The following ANGPT1 variants were observed in gnomAD, a reference collection of about 807,000 sequenced individuals.
ANGPT1 encodes angiopoietin-1.
ANGPT1 carries 17 observed loss-of-function variants against 62.2 expected under a neutral mutation model. The observed-to-expected ratio is 0.27, with a 90% CI of 0.19 to 0.41. The LOEUF is 0.41. Among genes scored for constraint, ANGPT1 ranks in the 10% least tolerant of loss-of-function variants. The probability of loss-of-function intolerance (pLI) is 1.00; values close to 1 mark genes in which losing one functional copy is unlikely to be tolerated. For synonymous variants in ANGPT1, 199 were observed against 198.9 expected, an observed-to-expected ratio of 1.00 and a Z score of 0.00; for missense variants, 478 against 594.9, an observed-to-expected ratio of 0.80 and a Z score of 2.04.
At chr8:107,446,829 C>G (rs922651793) in intron 1 of ANGPT1, among the ~76,000 whole-genome samples, 1 of 152,160 alleles carries the variant, frequency 6.6e-6, no homozygotes, top group African/African-American at 2.4e-5. Flanking sequence ...ACCCACATCT[C>G]TCTCCTAAAT....
At chr8:107,497,192 A>C in intron 1 of ANGPT1, 70 bp downstream of exon 1, 1 of 1,514,010 alleles carries the variant, frequency 6.6e-7, no homozygotes, top group South Asian at 1.2e-5. Context: ...CCCCTAAGGA[A>C]CTTTAAGTTA....
intron 5 of ANGPT1, among the ~76,000 whole-genome samples, chr8:107,296,202 T>TC: frequency 6.6e-6 from 1 of 152,108 alleles, no homozygotes; most frequent in East Asian, 1.9e-4. Flanking sequence ...GTGAGAAGGG[T>TC]CAAAGAACGG....
At chr8:107,356,911 G>A (rs774830190) in intron 1 of ANGPT1, among the ~76,000 whole-genome samples, 27 of 152,160 alleles carry the variant, frequency 1.8e-4, no homozygotes, top group Non-Finnish European at 3.7e-4. Flanking sequence ...TTCAGACATA[G>A]TAAGCATAAG....
At chr8:107,465,496 G>A (rs188679898) in intron 1 of ANGPT1, among the ~76,000 whole-genome samples, 3 of 152,098 alleles carry the variant, frequency 2.0e-5, no homozygotes, top group African/African-American at 7.2e-5. Flanking sequence ...GATTGATGCC[G>A]TATTTCACAA....
chr8:107,291,549 T>G (rs1161365949), intron 6 of ANGPT1, among the ~76,000 whole-genome samples: 1 of 151,902 alleles, frequency 6.6e-6, no homozygotes, highest in Non-Finnish European at 1.5e-5. Flanking sequence ...GTAGCTGGGA[T>G]TACAGGCACG....
At chr8:107,403,190 CACAAGA>C (rs1231429863) in intron 1 of ANGPT1, among the ~76,000 whole-genome samples, 3 of 152,058 alleles carry the variant, frequency 2.0e-5, no homozygotes, top group African/African-American at 7.2e-5. Context: ...TCCTCATGGT[CACAAGA>C]CAGCTCCTGT....
At chr8:107,431,157 T>A (rs943879712) in intron 1 of ANGPT1, among the ~76,000 whole-genome samples, 6 of 152,246 alleles carry the variant, frequency 3.9e-5, no homozygotes, top group African/African-American at 1.4e-4. Context: ...TGCATGTGTG[T>A]GTGAGAGAGA....
chr8:107,422,419 T>C (rs968931619), intron 1 of ANGPT1, among the ~76,000 whole-genome samples: 4 of 152,188 alleles, frequency 2.6e-5, no homozygotes, highest in Admixed American at 6.5e-5. Context: ...AGTTGTCCCA[T>C]AGTGTTCACA....
intron 1 of ANGPT1, among the ~76,000 whole-genome samples, chr8:107,406,153 G>A (rs1042954121): frequency 1.3e-5 from 2 of 151,714 alleles, no homozygotes; most frequent in Non-Finnish European, 2.9e-5. Context: ...TTTATCATAT[G>A]TGTTTGAGTC....
intron 7 of ANGPT1, among the ~76,000 whole-genome samples, chr8:107,277,173 T>C (rs1813886253): frequency 6.6e-6 from 1 of 152,154 alleles, no homozygotes; most frequent in Non-Finnish European, 1.5e-5. Flanking sequence ...AGGCTCATGA[T>C]ACCATCTGTG....
At chr8:107,317,897 C>A (rs1815057374) in intron 4 of ANGPT1, among the ~76,000 whole-genome samples, 1 of 152,160 alleles carries the variant, frequency 6.6e-6, no homozygotes, top group African/African-American at 2.4e-5. Flanking sequence ...TCCCAAAGTT[C>A]TGGGATTACA....
chr8:107,484,050 G>A (rs1812752966), intron 1 of ANGPT1, among the ~76,000 whole-genome samples: 1 of 152,078 alleles, frequency 6.6e-6, no homozygotes, highest in African/African-American at 2.4e-5. Context: ...TGCCAAAGAT[G>A]GTTATTTAGT....
chr8:107,444,750 A>C (rs189388987), intron 1 of ANGPT1, among the ~76,000 whole-genome samples: 93 of 152,208 alleles, frequency 6.1e-4, no homozygotes, highest in African/African-American at 1.7e-3. Flanking sequence ...TGAAAAAATC[A>C]CTTACCCTGA....
chr8:107,428,597 C>G (rs556804374), intron 1 of ANGPT1, among the ~76,000 whole-genome samples: 1 of 151,716 alleles, frequency 6.6e-6, no homozygotes, highest in Admixed American at 6.6e-5. Context: ...TTTTCTTGGT[C>G]TTATTATTGT....
intron 3 of ANGPT1, among the ~76,000 whole-genome samples, chr8:107,332,188 C>T (rs1366164973): frequency 6.6e-6 from 1 of 152,056 alleles, no homozygotes; most frequent in Non-Finnish European, 1.5e-5. Flanking sequence ...ATTTTGTGTC[C>T]TACTTTGTGT....
In ANGPT1 at chr8:107,251,363, A is replaced by G. The variant is rs1813244114; in HGVS notation, c.*492T>C. The G allele has an allele frequency of 6.5e-6, 1 of 153,574 alleles. No homozygotes were observed. Among genetic ancestry groups the G allele is most frequent in the African/African-American group, 2.4e-5 (1 of 41,454 alleles). 9.5% of individuals were successfully genotyped at this position (153,574 alleles called of 1,614,324 possible). A position where few individuals can be genotyped will look rare whatever the true frequency, so the allele number is the denominator to read the frequency against. ...ACAATGCTGTTCTAAATTTTTATCA[A>G]AATTGTGCAACAGTATAATTTGTTA... On this transcript the variant is annotated 3_prime_UTR_variant, in exon 9 of 9. Transcript: ENST00000517746.
At chr8:107,306,202 G>C (rs534415880) in intron 4 of ANGPT1, among the ~76,000 whole-genome samples, 1 of 152,194 alleles carries the variant, frequency 6.6e-6, no homozygotes, top group East Asian at 1.9e-4. Flanking sequence ...AGTCTAGGGG[G>C]TGGTGGATGC....
chr8:107,413,454 T>A (rs146518002), intron 1 of ANGPT1, among the ~76,000 whole-genome samples: 151 of 152,118 alleles, frequency 9.9e-4, no homozygotes, highest in Middle Eastern at 6.8e-3. Context: ...TGTAGTGAAG[T>A]GAGTGAGGTA....
chr8:107,467,578 G>T (rs1812236292), intron 1 of ANGPT1, among the ~76,000 whole-genome samples: 1 of 151,996 alleles, frequency 6.6e-6, no homozygotes, highest in African/African-American at 2.4e-5. Context: ...TAAAGTCTAG[G>T]TTGAAATAAA....
Sources: gnomAD v4.1 joint callset for allele counts (sites outside exome capture counted in the v4.1 genomes callset) on GRCh38, gnomAD v4.1.1 for gene constraint, MANE v1.5 for transcripts, NCBI Gene and HGNC (gene_info 2026-07-23, HGNC 2026-07-21) for gene names.